Variants in CPQ observed in about 807,000 individuals in gnomAD.
CPQ encodes Ser-Met dipeptidase.
In CPQ, 37 loss-of-function variants were observed where a neutral mutation model predicts 45.7. The ratio of observed to expected loss-of-function variants is 0.81; its 90% confidence interval spans 0.62 to 1.07. The LOEUF (loss-of-function observed/expected upper bound fraction) is 1.07, where lower values mean the gene tolerates loss of function less well. Ranked by LOEUF, CPQ falls within the 50% of genes least tolerant of loss-of-function variation. CPQ has a pLI of 0.00. For synonymous variants in CPQ, 186 were observed against 205.8 expected, an observed-to-expected ratio of 0.90 and a Z score of 0.82; for missense variants, 537 against 572.9, an observed-to-expected ratio of 0.94 and a Z score of 0.64.
intron 1 of CPQ, among the ~76,000 whole-genome samples, chr8:96,759,824 A>G (rs1810375845): frequency 6.6e-6 from 1 of 152,170 alleles, no homozygotes. Flanking sequence ...ACTACCACTG[A>G]GTATTTGCAT....
At chr8:96,725,313 A>G (rs946984561) in intron 1 of CPQ, among the ~76,000 whole-genome samples, 35 of 152,206 alleles carry the variant, frequency 2.3e-4, no homozygotes, top group African/African-American at 8.4e-4. Context: ...GAAAGGGAGA[A>G]AGTATTCATA....
At chr8:97,033,906 A>T (rs1809952266) in intron 6 of CPQ, among the ~76,000 whole-genome samples, 1 of 152,136 alleles carries the variant, frequency 6.6e-6, no homozygotes, top group South Asian at 2.1e-4. Context: ...TCTAATTAAT[A>T]TATGCAGAAA....
intron 4 of CPQ, among the ~76,000 whole-genome samples, chr8:96,921,668 T>C (rs965017666): frequency 1.3e-5 from 2 of 152,220 alleles, no homozygotes; most frequent in Admixed American, 6.5e-5. Flanking sequence ...CATGATACTA[T>C]ATTGCAGCTT....
At chr8:97,098,890 G>A (rs1238291092) in intron 7 of CPQ, among the ~76,000 whole-genome samples, 1 of 151,974 alleles carries the variant, frequency 6.6e-6, no homozygotes, top group East Asian at 1.9e-4. Flanking sequence ...GTATGTGTGT[G>A]TGTTCACTCA....
At chr8:97,136,048 G>A (rs1259326417) in intron 7 of CPQ, among the ~76,000 whole-genome samples, 1 of 152,180 alleles carries the variant, frequency 6.6e-6, no homozygotes, top group Non-Finnish European at 1.5e-5. Flanking sequence ...AGTCATTAGT[G>A]AGAGCACCCT....
At chr8:97,124,225 C>CA (rs34933920) in intron 7 of CPQ, among the ~76,000 whole-genome samples, 13,993 of 42,614 alleles carry the variant, frequency 0.33, 3,917 homozygotes, top group Middle Eastern at 0.4. Flanking sequence ...GACTCCGTCT[C>CA]AAAAAAAAAA....
At chr8:96,701,720 C>T (rs1430268011) in intron 1 of CPQ, among the ~76,000 whole-genome samples, 1 of 152,160 alleles carries the variant, frequency 6.6e-6, no homozygotes, top group East Asian at 1.9e-4. Flanking sequence ...CATGTGAATG[C>T]GTTCCTTGGC....
intron 7 of CPQ, among the ~76,000 whole-genome samples, chr8:97,115,695 G>A (rs925985219): frequency 6.6e-6 from 1 of 152,140 alleles, no homozygotes; most frequent in African/African-American, 2.4e-5. Flanking sequence ...TGCTAAGCTG[G>A]ATGTAGGTAT....
chr8:96,754,552 C>T (rs990161382), intron 1 of CPQ, among the ~76,000 whole-genome samples: 5 of 151,926 alleles, frequency 3.3e-5, no homozygotes, highest in African/African-American at 1.2e-4. Context: ...ACGTGAAAGG[C>T]CTAGAACCAG....
chr8:96,824,589 A>G (rs1319476944), intron 2 of CPQ, among the ~76,000 whole-genome samples: 2 of 152,054 alleles, frequency 1.3e-5, no homozygotes, highest in African/African-American at 4.8e-5. Context: ...TTGTATAGAT[A>G]GAATAGTGGT....
At chr8:96,911,203 T>TACAAA (rs71569191) in intron 4 of CPQ, among the ~76,000 whole-genome samples, 12,981 of 152,038 alleles carry the variant, frequency 0.085, 799 homozygotes, top group Admixed American at 0.15. Context: ...CGAAAGTAGT[T>TACAAA]ACAAAACAAA....
intron 1 of CPQ, among the ~76,000 whole-genome samples, chr8:96,647,032 T>C (rs1258176139): frequency 6.6e-6 from 1 of 152,194 alleles, no homozygotes; most frequent in Non-Finnish European, 1.5e-5. Context: ...ATGCCATATA[T>C]TCCCAGTATA....
At chr8:96,986,009 G>T (rs1808967661) in intron 5 of CPQ, among the ~76,000 whole-genome samples, 2 of 152,170 alleles carry the variant, frequency 1.3e-5, no homozygotes, top group Non-Finnish European at 2.9e-5. Flanking sequence ...TGTAAACACT[G>T]GCATAACATT....
intron 5 of CPQ, among the ~76,000 whole-genome samples, chr8:96,995,328 G>C (rs1212678589): frequency 6.6e-6 from 1 of 152,062 alleles, no homozygotes; most frequent in African/African-American, 2.4e-5. Flanking sequence ...TGTGGTGGTT[G>C]TTGTTTTATA....
intron 4 of CPQ, among the ~76,000 whole-genome samples, chr8:96,921,842 A>G (rs994919265): frequency 6.6e-6 from 1 of 152,210 alleles, no homozygotes; most frequent in Non-Finnish European, 1.5e-5. Flanking sequence ...TTAGTGCACT[A>G]TCTTATTCAT....
intron 1 of CPQ, among the ~76,000 whole-genome samples, chr8:96,736,289 A>G (rs750267514): frequency 1.3e-5 from 2 of 152,158 alleles, no homozygotes; most frequent in Non-Finnish European, 2.9e-5. Flanking sequence ...CTCAGTCTCT[A>G]CTAGGGCTCA....
chr8:96,730,214 C>A (rs1809892337), intron 1 of CPQ, among the ~76,000 whole-genome samples: 2 of 152,142 alleles, frequency 1.3e-5, no homozygotes, highest in Non-Finnish European at 2.9e-5. Context: ...TAGCACAGAA[C>A]TTGAGGATAT....
chr8:97,111,770 A>G (rs1212777789), intron 7 of CPQ, among the ~76,000 whole-genome samples: 2 of 152,226 alleles, frequency 1.3e-5, no homozygotes, highest in African/African-American at 2.4e-5. Context: ...GACAAGAAAC[A>G]TTCAGCTTAA....
At chr8:96,973,710 C>G (rs1047968530) in intron 5 of CPQ, among the ~76,000 whole-genome samples, 3 of 152,132 alleles carry the variant, frequency 2.0e-5, no homozygotes, top group African/African-American at 7.2e-5. Context: ...GATTGGGGTC[C>G]TCTTTTTAGC....
Sources: allele counts gnomAD v4.1 joint callset (sites outside exome capture counted in the v4.1 genomes callset), GRCh38; gene constraint gnomAD v4.1.1; transcripts MANE v1.5; gene names NCBI Gene and HGNC (gene_info 2026-07-23, HGNC 2026-07-21).